The following ANK3 variants were observed in gnomAD, a reference collection of about 807,000 sequenced individuals.
ANK3 encodes ankyrin-3.
A neutral mutation model predicts 370.9 loss-of-function variants in ANK3; 57 were observed. That is an observed-to-expected ratio of 0.15 (90% CI 0.12 to 0.19). The LOEUF (loss-of-function observed/expected upper bound fraction) is 0.19. Ranked by LOEUF, ANK3 falls within the 10% of genes least tolerant of loss-of-function variation. ANK3 has a pLI of 1.00. For missense variants in ANK3, 4,439 were observed against 5,302.1 expected, an observed-to-expected ratio of 0.84 and a Z score of 5.06; for synonymous variants, 1,929 against 1,946.3, an observed-to-expected ratio of 0.99 and a Z score of 0.23.
rs868125539 is a variant in ANK3, at chr10:60,108,987, T to G, written c.3016A>C (p.Arg1006=). 8 of 1,614,020 alleles carry G rather than the reference T, an allele frequency of 5.0e-6. No homozygotes were observed. The highest frequency in any genetic ancestry group is 4.0e-5 in the African/African-American group (3 of 75,006). Residue 1006 remains arginine, a synonymous_variant, in exon 27 of 44, where the codon AGA becomes CGA. Transcript: ENST00000280772. ...CACTTGCGTGGAGGAATGATGATTC[T>G]CATCCCGTGATGACGGCTTCCTCTC... ...SMRGSRHHGM[R]IIIPPRKCTA... is the part of the protein sequence containing the mutation.
At chr10:60,066,478 C>T (rs577782925) in intron 38 of ANK3, among the ~76,000 whole-genome samples, 1 of 152,108 alleles carries the variant, frequency 6.6e-6, no homozygotes, top group African/African-American at 2.4e-5. Context: ...GCCTACAAAA[C>T]ATTATTCAGA....
chr10:60,434,339 C>CT (rs1298052661), intron 2 of ANK3, among the ~76,000 whole-genome samples: 1 of 152,056 alleles, frequency 6.6e-6, no homozygotes, highest in East Asian at 1.9e-4. Flanking sequence ...GGAATATAGT[C>CT]TACTTATTAT....
intron 1 of ANK3, among the ~76,000 whole-genome samples, chr10:60,615,595 A>AT (rs1034100260): frequency 8.5e-5 from 13 of 152,228 alleles, no homozygotes; most frequent in African/African-American, 3.1e-4. Flanking sequence ...GTAATTTAAA[A>AT]TTTTTTTCCT....
chr10:60,426,971 T>A (rs1272038755), intron 2 of ANK3, among the ~76,000 whole-genome samples: 1 of 152,146 alleles, frequency 6.6e-6, no homozygotes, highest in Non-Finnish European at 1.5e-5. Context: ...GGTTCTCTTC[T>A]GTAAAACTGA....
chr10:60,641,824 T>A (rs1276229234), intron 1 of ANK3, among the ~76,000 whole-genome samples: 4 of 152,116 alleles, frequency 2.6e-5, no homozygotes, highest in African/African-American at 9.6e-5. Flanking sequence ...CAAGAGAAAC[T>A]ACCATCAGAG....
chr10:60,414,540 A>AT lies in ANK3; in HGVS notation c.97-134902dup, dbSNP rs560200183. 2.1e-3 allele frequency among the ~76,000 whole-genome samples: 320 copies of AT among 152,244 alleles called. 2 individuals are homozygous for AT. Among genetic ancestry groups the AT allele is most frequent in the African/African-American group, 7.3e-3 (302 of 41,548 alleles). On this transcript the variant is annotated intron_variant, in intron 2 of 43. Coordinates refer to the ANK3 transcript ENST00000373827. ...GGTGGTATATACAAGAAGCTGTACA[A>AT]TTTTTTTGAGGGAGATCTCCTTTGG...
chr10:60,139,053 A>G lies in ANK3; in HGVS notation c.2649T>C (p.Tyr883=), dbSNP rs755314642. The G allele has an allele frequency of 3.7e-6, 6 of 1,613,760 alleles. No individual in the cohort carries two copies. The highest frequency in any genetic ancestry group is 5.1e-6 in the Non-Finnish European group (6 of 1,179,824). ...ATTCCTTAAGGTCCTGTGGCCCAAG[A>G]TATTTGTCTGTGTCCCCGGTCATTG... ...EDAMTGDTDK[Y]LGPQDLKELG... is the part of the protein sequence containing the mutation. Residue 883 remains tyrosine (Y), a synonymous_variant, in exon 24 of 44, where the codon TAT becomes TAC. Coordinates refer to ENST00000280772, the MANE Select transcript of ANK3 (RefSeq NM_020987.5).
At chr10:60,096,041 G>T (rs1170269223) in intron 28 of ANK3, among the ~76,000 whole-genome samples, 1 of 152,094 alleles carries the variant, frequency 6.6e-6, no homozygotes, top group African/African-American at 2.4e-5. Flanking sequence ...AGGTGTGTCG[G>T]TAGGTGCCTG....
intron 25 of ANK3, among the ~76,000 whole-genome samples, chr10:60,123,248 T>C (rs1207780442): frequency 1.3e-5 from 2 of 152,240 alleles, no homozygotes; most frequent in African/African-American, 4.8e-5. Flanking sequence ...CTTTTCATTT[T>C]GGAAGTGATG....
intron 2 of ANK3, among the ~76,000 whole-genome samples, chr10:60,399,109 A>C (rs2063303701): frequency 6.6e-6 from 1 of 152,220 alleles, no homozygotes; most frequent in African/African-American, 2.4e-5. Context: ...AAAATTAAAG[A>C]GAAAATGCAT....
intron 43 of ANK3, among the ~76,000 whole-genome samples, chr10:60,036,422 ATTTTTTTTTTTTTTTTTTT>A (rs563946588): frequency 1.4e-5 from 1 of 72,310 alleles, no homozygotes; most frequent in African/African-American, 7.0e-5. Flanking sequence ...GTCAGAGGCA[ATTTTTTTTTTTTTTTTTTT>A]TTTTTTTTTT....
intron 28 of ANK3, among the ~76,000 whole-genome samples, chr10:60,102,035 G>A (rs1238730764): frequency 1.3e-5 from 2 of 151,678 alleles, no homozygotes; most frequent in East Asian, 1.9e-4. Context: ...TACTGTTTCC[G>A]GGTGGTGGCG....
At chr10:60,385,944 G>A (rs2062216151) in intron 1 of ANK3, among the ~76,000 whole-genome samples, 1 of 152,174 alleles carries the variant, frequency 6.6e-6, no homozygotes, top group Non-Finnish European at 1.5e-5. Flanking sequence ...TATGTGGGGA[G>A]AGGGCATGAC....
At chr10:60,309,294 T>C (rs752271025) in intron 1 of ANK3, among the ~76,000 whole-genome samples, 24 of 152,332 alleles carry the variant, frequency 1.6e-4, no homozygotes, top group Admixed American at 3.3e-4. Context: ...TGATGAGATA[T>C]TTCTTCATTA....
intron 23 of ANK3, among the ~76,000 whole-genome samples, chr10:60,162,547 T>A (rs1331654140): frequency 6.6e-6 from 1 of 152,184 alleles, no homozygotes; most frequent in Admixed American, 6.5e-5. Context: ...CTGAACATGA[T>A]TCTTCTTATC....
intron 2 of ANK3, among the ~76,000 whole-genome samples, chr10:60,428,953 A>G (rs1282005122): frequency 2.0e-5 from 3 of 152,214 alleles, no homozygotes; most frequent in Non-Finnish European, 4.4e-5. Context: ...CTTCAGGAAT[A>G]AGGGCTGCTT....
chr10:60,718,418 C>T (rs925798694), intron 1 of ANK3, among the ~76,000 whole-genome samples: 1 of 151,894 alleles, frequency 6.6e-6, no homozygotes, highest in African/African-American at 2.4e-5. Context: ...AATGTATTCA[C>T]CTGAGCAATA....
intron 2 of ANK3, among the ~76,000 whole-genome samples, chr10:60,609,248 T>C (rs1458652771): frequency 1.3e-5 from 2 of 152,196 alleles, no homozygotes; most frequent in Non-Finnish European, 2.9e-5. Flanking sequence ...TAGTAACTTC[T>C]TCATGATTCC....
chr10:60,228,039 CT>C (rs1157107502), intron 8 of ANK3, among the ~76,000 whole-genome samples: 1 of 152,128 alleles, frequency 6.6e-6, no homozygotes, highest in East Asian at 1.9e-4. Context: ...CAGCAGAAGG[CT>C]TAGTCCAATG....
Sources: gnomAD v4.1 joint callset for allele counts (sites outside exome capture counted in the v4.1 genomes callset) on GRCh38, gnomAD v4.1.1 for gene constraint, MANE v1.5 for transcripts, NCBI Gene and HGNC (gene_info 2026-07-23, HGNC 2026-07-21) for gene names.